RBFOX1: variants seen among roughly 807,000 people sequenced by gnomAD.
RBFOX1 encodes the protein RNA binding fox-1 homolog 1, also known as RNA binding protein fox-1 homolog 1.
Under a neutral mutation model 57.7 loss-of-function variants are expected in RBFOX1, and 8 were observed. The ratio of observed to expected loss-of-function variants is 0.14; its 90% CI spans 0.08 to 0.25. The LOEUF (loss-of-function observed/expected upper bound fraction) is 0.25, where lower values mean the gene tolerates loss of function less well. RBFOX1 is among the 10% of genes least tolerant of loss of function. RBFOX1 has a pLI of 1.00. For synonymous variants in RBFOX1, 326 were observed against 222.4 expected, an observed-to-expected ratio of 1.47 and a Z score of -4.15; for missense variants, 611 against 548.5, an observed-to-expected ratio of 1.11 and a Z score of -1.14.
intron 1 of RBFOX1, among the ~76,000 whole-genome samples, chr16:6,161,026 C>T (rs116307306): frequency 6.6e-6 from 1 of 152,198 alleles, no homozygotes; most frequent in South Asian, 2.1e-4. Flanking sequence ...AGTGGTGTTT[C>T]CCAGCTTTAT....
At chr16:5,734,765 G>T (rs1447067984) in intron 3 of RBFOX1, among the ~76,000 whole-genome samples, 1 of 152,118 alleles carries the variant, frequency 6.6e-6, no homozygotes, top group Non-Finnish European at 1.5e-5. Flanking sequence ...TAGGCTATAG[G>T]GAATAGCATA....
At chr16:6,446,777 A>C (rs1429705805) in intron 2 of RBFOX1, among the ~76,000 whole-genome samples, 1 of 152,180 alleles carries the variant, frequency 6.6e-6, no homozygotes, top group Non-Finnish European at 1.5e-5. Context: ...TCTGCATTAT[A>C]ATAAGGGCTG....
intron 4 of RBFOX1, among the ~76,000 whole-genome samples, chr16:7,061,205 C>T (rs943937815): frequency 3.3e-5 from 5 of 152,112 alleles, no homozygotes; most frequent in African/African-American, 1.2e-4. Flanking sequence ...GCAAATGATC[C>T]CCAGGGGCAG....
Position 5,379,942 on chromosome 16 carries a change from G to A in RBFOX1, c.220-87274G>A, listed in dbSNP as rs576091142. Among the ~76,000 whole-genome samples, 9 of 152,304 alleles carry A rather than the reference G, an allele frequency of 5.9e-5. No homozygotes were observed. The East Asian group carries it at 9.7e-4, about 16-fold the overall frequency. Reference sequence around the variant, plus strand: ...CTTGCTGGAGAGAAGCGCTTGGGGCGTTGGAGGAATCATCCCGGGCAGGTG... The same window carrying A: ...CTTGCTGGAGAGAAGCGCTTGGGGCATTGGAGGAATCATCCCGGGCAGGTG... On this transcript the variant is annotated intron_variant, in intron 1 of 2. Transcript: ENST00000585867.
At chr16:5,533,662 C>G (rs1200828519) in intron 2 of RBFOX1, among the ~76,000 whole-genome samples, 1 of 152,144 alleles carries the variant, frequency 6.6e-6, no homozygotes, top group Non-Finnish European at 1.5e-5. Flanking sequence ...TAACTGGGTT[C>G]TCAAGGATCC....
At chr16:7,136,870 C>T (rs1198654399) in intron 4 of RBFOX1, among the ~76,000 whole-genome samples, 2 of 152,182 alleles carry the variant, frequency 1.3e-5, no homozygotes, top group African/African-American at 2.4e-5. Flanking sequence ...TTCTCTCATA[C>T]ACAAAATCTA....
chr16:7,258,421 C>G (rs998253913), intron 4 of RBFOX1, among the ~76,000 whole-genome samples: 1 of 152,116 alleles, frequency 6.6e-6, no homozygotes, highest in African/African-American at 2.4e-5. Flanking sequence ...TTCTGTTTCA[C>G]TGTGTGCATT....
intron 2 of RBFOX1, among the ~76,000 whole-genome samples, chr16:5,545,583 A>G (rs942351618): frequency 6.6e-6 from 1 of 152,346 alleles, no homozygotes; most frequent in East Asian, 1.9e-4. Context: ...CATCATATTA[A>G]GAAATAAAAA....
chr16:7,102,619 C>G (rs1008203317), intron 4 of RBFOX1, among the ~76,000 whole-genome samples: 2 of 152,156 alleles, frequency 1.3e-5, no homozygotes, highest in African/African-American at 4.8e-5. Flanking sequence ...TGACATTGCA[C>G]TTGTCACCTT....
At chr16:6,456,133 G>A (rs1234478781) in intron 2 of RBFOX1, among the ~76,000 whole-genome samples, 1 of 152,114 alleles carries the variant, frequency 6.6e-6, no homozygotes, top group Non-Finnish European at 1.5e-5. Context: ...CTGTTGCTGG[G>A]GTTTTGATAG....
chr16:7,535,342 G>A (rs1507017), intron 5 of RBFOX1, among the ~76,000 whole-genome samples: 143,642 of 152,246 alleles, frequency 0.94, 68,076 homozygotes, highest in Middle Eastern at 0.98. Context: ...TTTCATGGAT[G>A]TGAGCAATTG....
At chr16:6,282,878 G>A (rs2076534684) in intron 1 of RBFOX1, among the ~76,000 whole-genome samples, 1 of 152,152 alleles carries the variant, frequency 6.6e-6, no homozygotes, top group Non-Finnish European at 1.5e-5. Context: ...ACTTCATTAA[G>A]TACTTTGCAT....
chr16:5,924,527 C>T (rs992608391), intron 4 of RBFOX1, among the ~76,000 whole-genome samples: 2 of 152,122 alleles, frequency 1.3e-5, no homozygotes, highest in Non-Finnish European at 2.9e-5. Context: ...CTCTCTCTTG[C>T]CTTCTCTCTT....
At chr16:5,987,112 C>G (rs1045831995) in intron 4 of RBFOX1, among the ~76,000 whole-genome samples, 2 of 152,088 alleles carry the variant, frequency 1.3e-5, no homozygotes, top group African/African-American at 4.8e-5. Context: ...ATAGTTCATT[C>G]CCTGATGGCT....
chr16:6,021,300 C>G (rs1355943949), intron 1 of RBFOX1, among the ~76,000 whole-genome samples: 1 of 152,162 alleles, frequency 6.6e-6, no homozygotes, highest in Non-Finnish European at 1.5e-5. Context: ...CTTCCCTGCC[C>G]CCTGTCCTAG....
At chr16:7,599,042 C>T (rs1004971496) in intron 9 of RBFOX1, among the ~76,000 whole-genome samples, 2 of 152,184 alleles carry the variant, frequency 1.3e-5, no homozygotes, top group Admixed American at 6.6e-5. Context: ...AGTTGAAAGA[C>T]CAGAAGAATT....
At chr16:7,026,455 TC>T (rs2040966614) in intron 3 of RBFOX1, among the ~76,000 whole-genome samples, 1 of 152,158 alleles carries the variant, frequency 6.6e-6, no homozygotes, top group Admixed American at 6.5e-5. Context: ...ACTCTTTTTT[TC>T]TTCTTCTTTC....
intron 3 of RBFOX1, among the ~76,000 whole-genome samples, chr16:5,749,896 C>G (rs1441830105): frequency 6.6e-6 from 1 of 152,168 alleles, no homozygotes; most frequent in Non-Finnish European, 1.5e-5. Context: ...TAGCTTTTTT[C>G]CATTGCTGGT....
intron 2 of RBFOX1, among the ~76,000 whole-genome samples, chr16:5,493,201 C>T (rs1003743311): frequency 6.6e-6 from 1 of 152,182 alleles, no homozygotes. Context: ...CATTTTTGCC[C>T]TGAAATTTTT....
Sources: gnomAD v4.1 joint callset for allele counts (sites outside exome capture counted in the v4.1 genomes callset) on GRCh38, gnomAD v4.1.1 for gene constraint, MANE v1.5 for transcripts, NCBI Gene and HGNC (gene_info 2026-07-23, HGNC 2026-07-21) for gene names.